WWOX: variants seen among roughly 807,000 people sequenced by gnomAD.
The protein encoded by WWOX is WW domain containing oxidoreductase.
Under a neutral mutation model 46.2 loss-of-function variants are expected in WWOX, and 69 were observed. The observed-to-expected ratio is 1.49, with a 90% CI of 1.23 to 1.82. The LOEUF (loss-of-function observed/expected upper bound fraction) is 1.82, where lower values mean the gene tolerates loss of function less well. Ranked by LOEUF, WWOX falls within the 40% of genes most tolerant of loss-of-function variation. The pLI is 0.00. For missense variants in WWOX, 919 were observed against 542.6 expected, an observed-to-expected ratio of 1.69 and a Z score of -6.89; for synonymous variants, 359 against 202.6, an observed-to-expected ratio of 1.77 and a Z score of -6.56.
At chr16:78,955,001 G>A (rs2046136098) in intron 8 of WWOX, among the ~76,000 whole-genome samples, 1 of 151,992 alleles carries the variant, frequency 6.6e-6, no homozygotes, top group Non-Finnish European at 1.5e-5. Context: ...TGTTGCCCAG[G>A]CTTATCTCAA....
intron 5 of WWOX, chr16:78,265,866 C>G (rs1379490443): frequency 4.6e-5 from 7 of 152,026 alleles, no homozygotes. Context: ...TATCCTGTAT[C>G]CAGTACAATG....
At chr16:78,776,439 A>T (rs1191350862) in intron 8 of WWOX, among the ~76,000 whole-genome samples, 2 of 152,078 alleles carry the variant, frequency 1.3e-5, no homozygotes, top group Admixed American at 1.3e-4. Flanking sequence ...TCATCTGTAA[A>T]ATGGGGATTC....
intron 8 of WWOX, among the ~76,000 whole-genome samples, chr16:78,685,954 C>T (rs3743682): frequency 0.29 from 43,598 of 150,374 alleles, 7,801 homozygotes; most frequent in Admixed American, 0.46. Flanking sequence ...GAGACATGGA[C>T]CCACGGGGAA....
intron 8 of WWOX, among the ~76,000 whole-genome samples, chr16:79,137,053 G>T (rs1012475668): frequency 2.6e-5 from 4 of 152,160 alleles, no homozygotes; most frequent in Admixed American, 1.3e-4. Flanking sequence ...CCAAGGGTTA[G>T]TCGTAGCCCT....
rs145972947 is a variant in WWOX, at chr16:78,277,242, G to A, written c.517-109618G>A. On this transcript the variant is annotated intron_variant, in intron 5 of 8. Coordinates refer to ENST00000566780, the MANE Select transcript of WWOX (RefSeq NM_016373.4). ...GAGATTAAGTAGAGAGAGAAGCTCC[G>A]ATTTTCTTGTTGAATAGCCGTGTTT... Among the ~76,000 whole-genome samples, 544 of 152,246 alleles carry A rather than the reference G, an allele frequency of 3.6e-3. 1 individual carries two copies. The highest frequency in any genetic ancestry group is 6.8e-3 in the Middle Eastern group (2 of 294).
intron 8 of WWOX, among the ~76,000 whole-genome samples, chr16:78,771,569 C>G (rs920685847): frequency 6.6e-6 from 1 of 151,972 alleles, no homozygotes; most frequent in Non-Finnish European, 1.5e-5. Flanking sequence ...GTCAGGAGTT[C>G]GAGACCAGCC....
At chr16:78,818,778 C>T (rs111360899) in intron 8 of WWOX, among the ~76,000 whole-genome samples, 2,348 of 152,282 alleles carry the variant, frequency 0.015, 56 homozygotes, top group African/African-American at 0.053. Flanking sequence ...GCCTTAGTTT[C>T]GTCTTTTCTG....
intron 5 of WWOX, among the ~76,000 whole-genome samples, chr16:78,330,608 G>A (rs1412592567): frequency 2.6e-5 from 4 of 152,148 alleles, no homozygotes; most frequent in Non-Finnish European, 5.9e-5. Flanking sequence ...TGTTGGCCGG[G>A]ATGCTCTCGA....
chr16:79,057,921 A>C (rs941469089), intron 8 of WWOX, among the ~76,000 whole-genome samples: 25 of 152,152 alleles, frequency 1.6e-4, no homozygotes, highest in African/African-American at 6.0e-4. Context: ...AAATACAGAT[A>C]CACCATCATT....
intron 5 of WWOX, among the ~76,000 whole-genome samples, chr16:78,385,530 C>T (rs959930608): frequency 1.3e-5 from 2 of 152,144 alleles, no homozygotes; most frequent in African/African-American, 4.8e-5. Context: ...TGTTTTCTAG[C>T]TGTCACTGCC....
chr16:78,647,261 A>G (rs1302961407), intron 8 of WWOX, among the ~76,000 whole-genome samples: 1 of 152,160 alleles, frequency 6.6e-6, no homozygotes, highest in Non-Finnish European at 1.5e-5. Flanking sequence ...TGTTTCCCCA[A>G]GGAAATCCAA....
intron 8 of WWOX, among the ~76,000 whole-genome samples, chr16:78,567,897 A>C (rs943848255): frequency 3.3e-5 from 5 of 152,156 alleles, no homozygotes; most frequent in African/African-American, 1.2e-4. Context: ...AACAGAAACA[A>C]GCACCCTGCT....
intron 8 of WWOX, among the ~76,000 whole-genome samples, chr16:78,823,343 G>T (rs988226840): frequency 6.6e-6 from 1 of 152,210 alleles, no homozygotes; most frequent in Admixed American, 6.5e-5. Flanking sequence ...TCAGCCGCCT[G>T]TGTGAATAAG....
intron 8 of WWOX, among the ~76,000 whole-genome samples, chr16:78,489,490 C>G (rs1182754445): frequency 6.6e-6 from 1 of 151,780 alleles, no homozygotes; most frequent in Non-Finnish European, 1.5e-5. Context: ...TTTTTTCTAA[C>G]CACTTTCCCA....
chr16:78,932,979 C>T (rs1472626611), intron 8 of WWOX, among the ~76,000 whole-genome samples: 1 of 152,208 alleles, frequency 6.6e-6, no homozygotes, highest in African/African-American at 2.4e-5. Flanking sequence ...AATCAATAGA[C>T]CACGTCCTGT....
At chr16:78,844,276 T>A (rs1233936905) in intron 8 of WWOX, among the ~76,000 whole-genome samples, 3 of 152,186 alleles carry the variant, frequency 2.0e-5, no homozygotes, top group African/African-American at 7.2e-5. Context: ...AAGTTCTGCT[T>A]ACTGACAGCC....
At chr16:78,718,561 C>T (rs938323835) in intron 8 of WWOX, among the ~76,000 whole-genome samples, 23 of 152,010 alleles carry the variant, frequency 1.5e-4, no homozygotes, top group Admixed American at 1.3e-3. Context: ...ATACACTGAG[C>T]CAAGCATGGG....
chr16:79,011,186 C>T (rs1443391807), intron 8 of WWOX, among the ~76,000 whole-genome samples: 1 of 149,614 alleles, frequency 6.7e-6, no homozygotes, highest in Admixed American at 6.7e-5. Flanking sequence ...TTTTTGGAAC[C>T]ATTGAAAAGT....
At chr16:78,328,649 T>C (rs2080686494) in intron 5 of WWOX, among the ~76,000 whole-genome samples, 2 of 152,150 alleles carry the variant, frequency 1.3e-5, no homozygotes, top group Admixed American at 1.3e-4. Flanking sequence ...CAATGAAAGT[T>C]ACTAAGAGAG....
Sources: gnomAD v4.1 joint callset for allele counts (sites outside exome capture counted in the v4.1 genomes callset) on GRCh38, gnomAD v4.1.1 for gene constraint, MANE v1.5 for transcripts, NCBI Gene and HGNC (gene_info 2026-07-23, HGNC 2026-07-21) for gene names.